Variants in ATP13A3 observed in about 807,000 individuals in gnomAD.
ATP13A3 encodes ATPase 13A3, also known as polyamine-transporting ATPase 13A3.
A neutral mutation model predicts 158.1 loss-of-function variants in ATP13A3; 59 were observed. The observed-to-expected ratio is 0.37, with a 90% CI of 0.30 to 0.46. ATP13A3 has a LOEUF of 0.46. Ranked by LOEUF, ATP13A3 falls within the 20% of genes least tolerant of loss-of-function variation. The pLI is 1.00. For missense variants in ATP13A3, 1,166 were observed against 1,525.2 expected (o/e 0.76, Z 3.92); for synonymous variants, 491 against 504.3 (o/e 0.97, Z 0.35).
chr3:194,484,051 G>A (rs1249827469), intron 2 of ATP13A3, among the ~76,000 whole-genome samples: 1 of 152,140 alleles, frequency 6.6e-6, no homozygotes, highest in African/African-American at 2.4e-5. Flanking sequence ...GATCTAGTGT[G>A]TGACACCTAT....
At chr3:194,431,925 T>C (rs761222137) in intron 21 of ATP13A3, 33 bp from the exon 22 acceptor site, 4 of 1,501,774 alleles carry the variant, frequency 2.7e-6, no homozygotes, top group Admixed American at 2.1e-5. Context: ...TGTATTGAAA[T>C]TAAAATGGAA....
intron 7 of ATP13A3, among the ~76,000 whole-genome samples, chr3:194,456,486 T>C (rs1310753660): frequency 6.6e-6 from 1 of 152,144 alleles, no homozygotes; most frequent in African/African-American, 2.4e-5. Context: ...TTATGAAATG[T>C]AAGTCTAAAT....
intron 21 of ATP13A3, 104 bp from the exon 22 acceptor site, chr3:194,431,996 G>T: frequency 1.1e-6 from 1 of 909,478 alleles, no homozygotes; most frequent in Non-Finnish European, 1.5e-6. Context: ...GACTGGGCTG[G>T]CAGAGTAACG....
At chr3:194,442,148 G>A (rs1348335246) in intron 15 of ATP13A3, among the ~76,000 whole-genome samples, 2 of 152,198 alleles carry the variant, frequency 1.3e-5, no homozygotes, top group Admixed American at 6.5e-5. Flanking sequence ...GTATGACACC[G>A]TTGATTACCA....
rs1313251671 is a variant in ATP13A3 at position 194,443,235 on chromosome 3, G to A, written c.1559+1490C>T. The stretch of plus-strand genomic sequence containing the variant: ...TAGGAAGGGAGGAGAATAACCAAAA[G>A]TATCTTACAGTCCATAGGTTTGTTT... On this transcript the variant is annotated intron_variant, in intron 15 of 33. Transcript: ENST00000645319. Among the ~76,000 whole-genome samples, 3 of 152,104 alleles carry A rather than the reference G, an allele frequency of 2.0e-5. No individual in the cohort carries two copies. The East Asian group carries it at 5.8e-4, about 29-fold the overall frequency.
In ATP13A3 at chr3:194,437,302, T is replaced by C. The variant is rs756346910; in HGVS notation, c.1999+9A>G. On this transcript the variant is annotated intron_variant, in intron 19 of 33. Coordinates refer to ENST00000645319, the MANE Select transcript of ATP13A3 (RefSeq NM_001367549.1). ...CAGAATTGTACCCAAAGCATAGATA[T>C]TTCCTTACCTGTTTCAGGTTTACAG... is the stretch of plus-strand genomic sequence containing the variant. The C allele has an allele frequency of 1.9e-6, 3 of 1,614,208 alleles. No individual in the cohort carries two copies. Among genetic ancestry groups the C allele is most frequent in the Admixed American group, 3.3e-5 (2 of 60,016 alleles).
At chr3:194,437,926 AAGGCAGGTGGATCACTTG>A (rs1717773605) in intron 17 of ATP13A3, among the ~76,000 whole-genome samples, 1 of 152,180 alleles carries the variant, frequency 6.6e-6, no homozygotes, top group African/African-American at 2.4e-5. Context: ...TTGGGAGGCC[AAGGCAGGTGGATCACTTG>A]AGGGCAGGAG....
At chr3:194,481,945 T>C (rs529089080) in intron 2 of ATP13A3, among the ~76,000 whole-genome samples, 16 of 152,216 alleles carry the variant, frequency 1.1e-4, no homozygotes, top group Non-Finnish European at 1.3e-4. Flanking sequence ...TTCGAGTTAA[T>C]GTTTTACCAT....
intron 30 of ATP13A3, 29 bp from the exon 31 acceptor site, chr3:194,419,996 T>C (rs1350378125): frequency 6.7e-7 from 1 of 1,497,358 alleles, no homozygotes; most frequent in Non-Finnish European, 8.8e-7. Context: ...GTAAAACAAG[T>C]AAATTAGGAA....
At chr3:194,407,981 A>G (rs1473311548) in intron 33 of ATP13A3, among the ~76,000 whole-genome samples, 2 of 151,736 alleles carry the variant, frequency 1.3e-5, no homozygotes, top group Non-Finnish European at 2.9e-5. Flanking sequence ...TAATTGTGGG[A>G]AAAAAACCAC....
At chr3:194,414,384 G>C (rs1004366957) in intron 31 of ATP13A3, among the ~76,000 whole-genome samples, 2 of 151,452 alleles carry the variant, frequency 1.3e-5, no homozygotes, top group Non-Finnish European at 2.9e-5. Flanking sequence ...AATCACTTGA[G>C]CCTGGGAAGT....
intron 31 of ATP13A3, among the ~76,000 whole-genome samples, chr3:194,419,587 C>T (rs548492744): frequency 1.3e-5 from 2 of 152,012 alleles, no homozygotes; most frequent in Non-Finnish European, 2.9e-5. Flanking sequence ...AAGAAGTAGA[C>T]TGGTAGAGAA....
At chr3:194,417,102 T>C (rs891344587) in intron 31 of ATP13A3, among the ~76,000 whole-genome samples, 1 of 152,150 alleles carries the variant, frequency 6.6e-6, no homozygotes, top group Non-Finnish European at 1.5e-5. Flanking sequence ...GTAATTCTAA[T>C]AGTTCCGAAA....
At chr3:194,410,923 G>GGGTGGGGT (rs1715363359) in intron 33 of ATP13A3, among the ~76,000 whole-genome samples, 1 of 134,216 alleles carries the variant, frequency 7.5e-6, no homozygotes, top group African/African-American at 2.9e-5. Context: ...GGGGTGGGAG[G>GGGTGGGGT]GTTGGGGTGT....
At chr3:194,492,936 C>A (rs775750872) in intron 2 of ATP13A3, among the ~76,000 whole-genome samples, 1 of 151,926 alleles carries the variant, frequency 6.6e-6, no homozygotes, top group African/African-American at 2.4e-5. Context: ...GTGAGAAGGA[C>A]TTTTGGGATT....
intron 33 of ATP13A3, among the ~76,000 whole-genome samples, chr3:194,411,833 C>A (rs1715457589): frequency 6.6e-6 from 1 of 152,106 alleles, no homozygotes; most frequent in Admixed American, 6.5e-5. Context: ...TCTCATTTAG[C>A]TTCTAAGGGG....
chr3:194,449,523 C>T (rs934201535), intron 11 of ATP13A3, among the ~76,000 whole-genome samples: 1 of 151,918 alleles, frequency 6.6e-6, no homozygotes, highest in Non-Finnish European at 1.5e-5. Context: ...ACTAAGAATG[C>T]AAAAATTAGC....
chr3:194,462,633 T>C (rs1719743857), intron 2 of ATP13A3, among the ~76,000 whole-genome samples: 2 of 152,244 alleles, frequency 1.3e-5, no homozygotes, highest in Non-Finnish European at 2.9e-5. Context: ...TGGGGACCAC[T>C]GTTTTATACC....
chr3:194,473,911 C>G (rs539196358), intron 2 of ATP13A3, among the ~76,000 whole-genome samples: 35 of 152,254 alleles, frequency 2.3e-4, no homozygotes, highest in Middle Eastern at 3.4e-3. Context: ...GTCTAATACA[C>G]TATTTTTATA....
Sources: allele counts gnomAD v4.1 joint callset (sites outside exome capture counted in the v4.1 genomes callset), GRCh38; gene constraint gnomAD v4.1.1; transcripts MANE v1.5; gene names NCBI Gene and HGNC (gene_info 2026-07-23, HGNC 2026-07-21).